The following SETD2 variants were observed in gnomAD, a reference collection of about 807,000 sequenced individuals.
SETD2 encodes the protein histone-lysine N-methyltransferase SETD2.
Under a neutral mutation model 242.1 loss-of-function variants are expected in SETD2, and 31 were observed. That is an observed-to-expected ratio of 0.13 (90% CI 0.10 to 0.17). SETD2 has a LOEUF of 0.17. Ranked by LOEUF, SETD2 falls within the 10% of genes least tolerant of loss-of-function variation. SETD2 has a pLI of 1.00. For synonymous variants in SETD2, 1,006 were observed against 1,066.5 expected (o/e 0.94, Z 1.11); for missense variants, 2,481 against 3,046.3 (o/e 0.81, Z 4.37).
rs533317628 is a variant in SETD2 at position 47,100,020 on chromosome 3, T to A, written c.5015+1438A>T. ...ACAGAGTCTTTCTCTGTGCCCAGGCTGGAGTGCAGTAGCACGATCTCAAGT... is the reference window on the plus strand; with the variant it reads ...ACAGAGTCTTTCTCTGTGCCCAGGCAGGAGTGCAGTAGCACGATCTCAAGT... On this transcript the variant is annotated intron_variant, in intron 8 of 20. Coordinates refer to ENST00000409792, the MANE Select transcript of SETD2 (RefSeq NM_014159.7). 4.6e-5 allele frequency among the ~76,000 whole-genome samples: 7 copies of A among 152,144 alleles called. No individual in the cohort carries two copies. In the East Asian group the frequency reaches 1.4e-3, roughly 29 times the overall value.
intron 12 of SETD2, among the ~76,000 whole-genome samples, chr3:47,080,537 C>T (rs2041277025): frequency 6.6e-6 from 1 of 152,122 alleles, no homozygotes; most frequent in South Asian, 2.1e-4. Flanking sequence ...TGGTAACCAG[C>T]TGTTTTGCCC....
chr3:47,115,227 G>GCTA (rs1431878327), intron 4 of SETD2, among the ~76,000 whole-genome samples: 1 of 152,136 alleles, frequency 6.6e-6, no homozygotes, highest in Non-Finnish European at 1.5e-5. Flanking sequence ...CTGATGATAT[G>GCTA]CTACCAAGGG....
chr3:47,152,132 T>C (rs183922280), intron 1 of SETD2, among the ~76,000 whole-genome samples: 1 of 152,318 alleles, frequency 6.6e-6, no homozygotes, highest in East Asian at 1.9e-4. Context: ...TGTTCCTCAA[T>C]AGACATGGTA....
In SETD2 at chr3:47,121,111, A is replaced by G. The variant is rs2106640111; in HGVS notation, c.3525T>C (p.Asp1175=). The G allele has an allele frequency of 6.2e-7, 1 of 1,614,098 alleles. No homozygotes were observed. The highest frequency in any genetic ancestry group is 8.5e-7 in the Non-Finnish European group (1 of 1,179,990). The change falls in exon 3 of 21, where the codon GAT becomes GAC. Residue 1175 remains aspartate (D), a synonymous_variant. Transcript: ENST00000409792. The part of the protein sequence containing the change: ...SDGVDSTSHT[D]VKSDPLGHPN... ...GGTGACCCAGAGGGTCAGATTTCAC[A>G]TCTGTATGACTTGTACTATCAACCC... is the stretch of plus-strand genomic sequence containing the variant.
chr3:47,018,702 C>T (rs762548444), intron 19 of SETD2, among the ~76,000 whole-genome samples: 6 of 152,304 alleles, frequency 3.9e-5, no homozygotes, highest in Middle Eastern at 6.8e-3. Flanking sequence ...GATTTCATTA[C>T]CCCCTGCTTA....
Position 47,101,600 on chromosome 3 carries a change from G to GTA in SETD2, c.4918-46_4918-45insTA, listed in dbSNP as rs1559720619. The stretch of plus-strand genomic sequence containing the variant: ...CAAAAGAAATTAGTAACTTATTAGT[G>GTA]TGTGTGTGTGTGTGTGTGTGTGTGT... On this transcript the variant is annotated intron_variant, in intron 7 of 20. Transcript: ENST00000409792. 3 of 458,584 alleles carry GTA rather than the reference G, an allele frequency of 6.5e-6. No individual in the cohort carries two copies. In the African/African-American group the frequency reaches 9.2e-5, roughly 14 times the overall value. 28.4% of individuals were successfully genotyped at this position (458,584 alleles called of 1,614,324 possible). A position where few individuals can be genotyped will look rare whatever the true frequency, so the allele number is the denominator to read the frequency against.
At chr3:47,132,965 T>C (rs552084106) in intron 1 of SETD2, among the ~76,000 whole-genome samples, 1 of 152,346 alleles carries the variant, frequency 6.6e-6, no homozygotes, top group East Asian at 1.9e-4. Flanking sequence ...GTCTATAGGT[T>C]AGAAAATAAT....
At chr3:47,065,553 C>T (rs2040523591) in intron 13 of SETD2, among the ~76,000 whole-genome samples, 1 of 152,046 alleles carries the variant, frequency 6.6e-6, no homozygotes, top group African/African-American at 2.4e-5. Flanking sequence ...GATCCCAGCA[C>T]TTTGGGAGGT....
At chr3:47,144,363 G>C (rs1156316278) in intron 1 of SETD2, among the ~76,000 whole-genome samples, 1 of 152,160 alleles carries the variant, frequency 6.6e-6, no homozygotes, top group Non-Finnish European at 1.5e-5. Flanking sequence ...GTCCAGCCGG[G>C]TGCAGTGGCT....
chr3:47,084,130 T>C lies in SETD2; in HGVS notation c.5650A>G (p.Ile1884Val), dbSNP rs769925323. ...KKLMFRRLKI[I>V]SENSMDSAIS... ...GCACTGTCCATGCTATTTTCACTTA[T>C]AATTTTCAGTCTGCGAAACATTAGT... The change falls in exon 12 of 21, where the codon ATA (isoleucine) becomes GTA (valine). Residue 1884 changes from isoleucine (I) to valine (V), a missense_variant. Physicochemically the swap from Ile to Val is conservative, Grantham distance 29. This residue lies in a region of SETD2 where 203 missense variants were observed against 222.4 expected (regional missense o/e 0.91). Transcript: ENST00000409792. The C allele has an allele frequency of 3.7e-6, 6 of 1,614,096 alleles. No homozygotes were observed. The highest frequency in any genetic ancestry group is 1.3e-5 in the African/African-American group (1 of 74,932).
chr3:47,087,071 T>C (rs903450265), intron 10 of SETD2, among the ~76,000 whole-genome samples: 7 of 151,368 alleles, frequency 4.6e-5, no homozygotes, highest in African/African-American at 7.3e-5. Flanking sequence ...TTATCTAACA[T>C]CTTGTGGCAT....
At chr3:47,135,884 C>A (rs370797286) in intron 1 of SETD2, among the ~76,000 whole-genome samples, 1 of 152,080 alleles carries the variant, frequency 6.6e-6, no homozygotes, top group Non-Finnish European at 1.5e-5. Context: ...TTCTCATTAG[C>A]CAAACAGCTT....
chr3:47,162,911 G>T lies in SETD2; in HGVS notation c.71+943C>A, dbSNP rs536062799. 1.6e-4 allele frequency among the ~76,000 whole-genome samples: 24 copies of T among 152,300 alleles called. 1 individual carries two copies. The South Asian group carries it at 3.9e-3, about 25-fold the overall frequency. ...TTCAGACCTCAAGAGAAATGTAAAG[G>T]TGTCCTAGACTGAAAAATTACTATT... On this transcript the variant is annotated intron_variant, in intron 1 of 20. Transcript: ENST00000409792.
intron 1 of SETD2, among the ~76,000 whole-genome samples, chr3:47,163,070 A>C (rs952689308): frequency 6.6e-6 from 1 of 152,228 alleles, no homozygotes; most frequent in Non-Finnish European, 1.5e-5. Context: ...TGTTACCAAG[A>C]AAATTGTGTC....
At chr3:47,051,130 G>C (rs1189565380) in intron 15 of SETD2, among the ~76,000 whole-genome samples, 3 of 149,634 alleles carry the variant, frequency 2.0e-5, no homozygotes, top group Non-Finnish European at 4.5e-5. Flanking sequence ...TCTGAGACAA[G>C]GTCTCACTCT....
chr3:47,164,416 G>C (rs1697613343), upstream of SETD2: 1 of 152,906 alleles, frequency 6.5e-6, no homozygotes, highest in Non-Finnish European at 1.5e-5. The surrounding 1 kb of genome is among the most constrained non-coding windows in gnomAD (Gnocchi z 5.4). Context: ...GGGGCAGCGT[G>C]ACCCGGCCCG....
chr3:47,017,890 T>C lies in SETD2; in HGVS notation c.7432-151A>G. The C allele has an allele frequency of 1.5e-6, 1 of 655,448 alleles. No homozygotes were observed. Among genetic ancestry groups the C allele is most frequent in the South Asian group, 1.8e-5 (1 of 56,278 alleles). 40.6% of individuals were successfully genotyped at this position (655,448 alleles called of 1,614,324 possible). On this transcript the variant is annotated intron_variant, in intron 19 of 20. Transcript: ENST00000409792. This position sits in a 1 kb window ranked among gnomAD's most constrained non-coding sequence, Gnocchi z 4.8. ...TTAACTGGTTTGGACAGTGGAATAC[T>C]AGTAAGCCAGTAAGATCTGAGAAAA... is the stretch of plus-strand genomic sequence containing the variant.
chr3:47,089,083 T>C (rs1025726090), intron 9 of SETD2, among the ~76,000 whole-genome samples: 1 of 152,214 alleles, frequency 6.6e-6, no homozygotes, highest in South Asian at 2.1e-4. Flanking sequence ...TTACATGCTA[T>C]ATGAATCCAT....
At chr3:47,150,333 C>T (rs1017503798) in intron 1 of SETD2, among the ~76,000 whole-genome samples, 4 of 152,066 alleles carry the variant, frequency 2.6e-5, no homozygotes, top group East Asian at 3.8e-4. Flanking sequence ...CCACCGTGCG[C>T]GGCCTCAAAA....
Sources: allele counts gnomAD v4.1 joint callset (sites outside exome capture counted in the v4.1 genomes callset), GRCh38; gene constraint gnomAD v4.1.1; regional missense constraint gnomAD v4.1.1; non-coding constraint Gnocchi (gnomAD v3.1); transcripts MANE v1.5; gene names NCBI Gene and HGNC (gene_info 2026-07-23, HGNC 2026-07-21).